Variants in NOX4 observed in about 807,000 individuals in gnomAD.
NOX4 encodes the protein NADPH oxidase 4, also known as kidney oxidase-1.
NOX4 carries 69 observed loss-of-function variants against 87.6 expected under a neutral mutation model. That is an observed-to-expected ratio of 0.79 (90% CI 0.65 to 0.96). The LOEUF is 0.96. NOX4 is among the 40% of genes least tolerant of loss of function. The pLI, the probability that NOX4 is intolerant of heterozygous loss-of-function variation, is 0.00. For missense variants in NOX4, 680 were observed against 681.5 expected, an observed-to-expected ratio of 1.00 and a Z score of 0.02; for synonymous variants, 275 against 238.2, an observed-to-expected ratio of 1.15 and a Z score of -1.42.
rs1311393874 is a variant in NOX4 at position 89,326,335 on chromosome 11, A to G, written c.*421T>C. On this transcript the variant is annotated 3_prime_UTR_variant, in exon 18 of 18. Coordinates refer to ENST00000263317, the MANE Select transcript of NOX4 (RefSeq NM_016931.5). ...GCTACTCTGTTTATACACAACACAG[A>G]AAATGGAATTTCAGCTTCAATGAAT... 6.4e-6 allele frequency: 1 copy of G among 155,786 alleles called. No individual in the cohort carries two copies. The highest frequency in any genetic ancestry group is 2.4e-5 in the African/African-American group (1 of 41,486). The allele number at this position is 155,786 out of a possible 1,614,324, so 9.7% of individuals were successfully genotyped here.
intron 1 of NOX4, among the ~76,000 whole-genome samples, chr11:89,497,672 A>G (rs1946973354): frequency 1.3e-5 from 2 of 152,148 alleles, no homozygotes; most frequent in Non-Finnish European, 2.9e-5. Flanking sequence ...ATTAATGACT[A>G]TATCTGTCTA....
At chr11:89,507,677 A>G in the NOX4 span, among the ~76,000 whole-genome samples, 1 of 151,928 alleles carries the variant, frequency 6.6e-6, no homozygotes, top group South Asian at 2.1e-4. Context: ...TATCTCTTGT[A>G]TAACATTCTG....
chr11:89,424,859 G>A (rs545328630), intron 7 of NOX4, among the ~76,000 whole-genome samples: 82 of 152,002 alleles, frequency 5.4e-4, no homozygotes, highest in Non-Finnish European at 8.4e-4. Flanking sequence ...GTTTCTTACT[G>A]GTAAAAAGAA....
upstream of NOX4, among the ~76,000 whole-genome samples, chr11:89,501,291 A>T (rs1354660158): frequency 6.6e-6 from 1 of 152,086 alleles, no homozygotes; most frequent in African/African-American, 2.4e-5. Flanking sequence ...TTCAGAGTGT[A>T]GAAAAGCTAA....
chr11:89,511,290 A>T, the NOX4 span, among the ~76,000 whole-genome samples: 1 of 151,982 alleles, frequency 6.6e-6, no homozygotes, highest in Non-Finnish European at 1.5e-5. Flanking sequence ...TGGGACATAC[A>T]ATACATTATT....
intron 8 of NOX4, among the ~76,000 whole-genome samples, chr11:89,406,582 C>T (rs1273536712): frequency 1.3e-5 from 2 of 152,100 alleles, no homozygotes; most frequent in Non-Finnish European, 2.9e-5. Context: ...CCTTCAAAGG[C>T]ATGCACAGTC....
intron 8 of NOX4, among the ~76,000 whole-genome samples, chr11:89,416,467 C>T (rs2135244272): frequency 6.6e-6 from 1 of 152,294 alleles, no homozygotes; most frequent in Non-Finnish European, 1.5e-5. Context: ...ATCAGCAGTC[C>T]TTAACACTTC....
chr11:89,534,680 C>T, the NOX4 span, among the ~76,000 whole-genome samples: 2 of 152,186 alleles, frequency 1.3e-5, no homozygotes, highest in Non-Finnish European at 2.9e-5. Flanking sequence ...AGAATGGTCT[C>T]AGAGTTCTGC....
chr11:89,527,084 A>G, the NOX4 span, among the ~76,000 whole-genome samples: 1 of 152,196 alleles, frequency 6.6e-6, no homozygotes, highest in Non-Finnish European at 1.5e-5. Context: ...GACTCTTACT[A>G]TGCTTTAACA....
chr11:89,422,096 G>A (rs892802565), intron 7 of NOX4, 114 bp from the exon 8 acceptor site: 21 of 557,548 alleles, frequency 3.8e-5, no homozygotes, highest in South Asian at 2.6e-4. Context: ...GCTAAAACAT[G>A]AGTACATCAT....
the NOX4 span, among the ~76,000 whole-genome samples, chr11:89,517,574 C>T: frequency 1.3e-5 from 2 of 151,796 alleles, no homozygotes; most frequent in Admixed American, 6.6e-5. Flanking sequence ...TTATTGGGCT[C>T]AAGTGATTCT....
chr11:89,547,357 TA>T, the NOX4 span, among the ~76,000 whole-genome samples: 3 of 152,198 alleles, frequency 2.0e-5, no homozygotes, highest in Non-Finnish European at 4.4e-5. Flanking sequence ...TGTCAGCATC[TA>T]AAACTAGAAT....
intron 7 of NOX4, among the ~76,000 whole-genome samples, chr11:89,431,081 C>G (rs894449513): frequency 2.6e-5 from 4 of 152,054 alleles, no homozygotes; most frequent in Admixed American, 1.3e-4. Flanking sequence ...CTTTGACAAA[C>G]CTGACAAAAA....
chr11:89,376,088 T>G (rs1221732939), intron 11 of NOX4, among the ~76,000 whole-genome samples: 1 of 152,224 alleles, frequency 6.6e-6, no homozygotes, highest in Admixed American at 6.5e-5. Flanking sequence ...AACTTCTCCC[T>G]TCTAAGTACC....
intron 11 of NOX4, among the ~76,000 whole-genome samples, chr11:89,391,049 C>A (rs1941085197): frequency 6.6e-6 from 1 of 152,148 alleles, no homozygotes; most frequent in African/African-American, 2.4e-5. Flanking sequence ...ATTTCTCAAG[C>A]TAGGTCCTGA....
rs1296613844 is a variant in NOX4 at position 89,325,903 on chromosome 11, ATATATATGTG to A, written c.*843_*852del. 2 of 138,652 alleles carry A rather than the reference ATATATATGTG, an allele frequency of 1.4e-5. No homozygotes were observed. Among genetic ancestry groups the A allele is most frequent in the African/African-American group, 5.2e-5 (2 of 38,404 alleles). 8.6% of individuals were successfully genotyped at this position (138,652 alleles called of 1,614,324 possible). A position where few individuals can be genotyped will look rare whatever the true frequency, so the allele number is the denominator to read the frequency against. On this transcript the variant is annotated 3_prime_UTR_variant, in exon 18 of 18. Coordinates refer to ENST00000263317, the MANE Select transcript of NOX4 (RefSeq NM_016931.5). ...TATATGTGTATATATATATATATAT[ATATATATGTG>A]TGTGTGTGTGTATATATATATGTGT...
chr11:89,558,865 C>T, the NOX4 span, among the ~76,000 whole-genome samples: 1 of 152,070 alleles, frequency 6.6e-6, no homozygotes, highest in Non-Finnish European at 1.5e-5. Flanking sequence ...TCCCATGCAT[C>T]TGATTATTAA....
intron 6 of NOX4, among the ~76,000 whole-genome samples, chr11:89,438,553 TA>T (rs1222914239): frequency 1.1e-5 from 1 of 92,076 alleles, no homozygotes; most frequent in Non-Finnish European, 1.9e-5. Context: ...TATAATAATA[TA>T]CTATATATAA....
chr11:89,345,226 C>T (rs1382005061), intron 13 of NOX4, among the ~76,000 whole-genome samples: 3 of 152,146 alleles, frequency 2.0e-5, no homozygotes, highest in Non-Finnish European at 4.4e-5. Flanking sequence ...TTGTAGTTTT[C>T]ACCATTCCCC....
Sources: allele counts gnomAD v4.1 joint callset (sites outside exome capture counted in the v4.1 genomes callset), GRCh38; gene constraint gnomAD v4.1.1; transcripts MANE v1.5; gene names NCBI Gene and HGNC (gene_info 2026-07-23, HGNC 2026-07-21).